TFRC: variants seen among roughly 807,000 people sequenced by gnomAD.
TFRC encodes the protein transferrin receptor.
In TFRC, 35 loss-of-function variants were observed where a neutral mutation model predicts 85.8. The observed-to-expected ratio is 0.41, with a 90% CI of 0.31 to 0.54. The LOEUF (loss-of-function observed/expected upper bound fraction) is 0.54. TFRC is among the 20% of genes least tolerant of loss of function. TFRC has a pLI of 0.31. For missense variants in TFRC, 828 were observed against 921.5 expected (o/e 0.90, Z 1.31); for synonymous variants, 362 against 328.6 (o/e 1.10, Z -1.10).
At chr3:196,059,648 A>G (rs1717106899) in intron 14 of TFRC, among the ~76,000 whole-genome samples, 1 of 151,872 alleles carries the variant, frequency 6.6e-6, no homozygotes, top group African/African-American at 2.4e-5. Context: ...ATTTTAGGGT[A>G]CATGTGCACA....
In TFRC at chr3:196,061,839, G is replaced by A. The variant is rs41297467; in HGVS notation, c.1468+743C>T. 1.1e-4 allele frequency among the ~76,000 whole-genome samples: 17 copies of A among 152,292 alleles called. No individual in the cohort carries two copies. The East Asian group carries it at 3.3e-3, about 29-fold the overall frequency. On this transcript the variant is annotated intron_variant, in intron 13 of 18. Transcript: ENST00000360110. ...ACTCCCATTTCTGACTCAAAGGTCTGGGGTAGACATGACAGTTTGCATTCG... is the reference window on the plus strand; with the variant it reads ...ACTCCCATTTCTGACTCAAAGGTCTAGGGTAGACATGACAGTTTGCATTCG...
In TFRC at chr3:196,071,076, G is replaced by C. The variant is rs3761717; in HGVS notation, c.687+320C>G. Among the ~76,000 whole-genome samples, 73,149 of 152,050 alleles carry C rather than the reference G, an allele frequency of 0.48. 19,390 individuals carry two copies. Among genetic ancestry groups the C allele is most frequent in the Non-Finnish European group, 0.61 (41,340 of 67,958 alleles). On this transcript the variant is annotated intron_variant, in intron 6 of 18. Coordinates refer to ENST00000360110, the MANE Select transcript of TFRC (RefSeq NM_001128148.3). The stretch of plus-strand genomic sequence containing the variant: ...TAGCAAATACTACTATGTATGTCAG[G>C]CATTCTCCAAAGCTCTGCAACATGG...
chr3:196,060,185 G>C lies in TFRC; in HGVS notation c.1531C>G (p.Gln511Glu), dbSNP rs747006728. The stretch of plus-strand genomic sequence containing the variant: ...GTAATGAGGTATATACTCACATTTT[G>C]CATTGTTTTCTCAATAAGCGTATAC... Reference protein sequence around the residue: ...LLYTLIEKTMQNVKHPVTGQF... With the variant: ...LLYTLIEKTMENVKHPVTGQF... The change falls in exon 14 of 19, where the codon CAA (glutamine) becomes GAA (glutamate). Residue 511 changes from glutamine (Q) to glutamate (E), a missense_variant. Physicochemically the swap from Gln to Glu is conservative, Grantham distance 29. Transcript: ENST00000360110. 6.2e-7 allele frequency: 1 copy of C among 1,613,156 alleles called. No individual in the cohort carries two copies. Among genetic ancestry groups the C allele is most frequent in the Admixed American group, 1.7e-5 (1 of 59,882 alleles).
At chr3:196,067,479 A>C in intron 9 of TFRC, 39 bp downstream of exon 9, 1 of 1,587,068 alleles carries the variant, frequency 6.3e-7, no homozygotes, top group Non-Finnish European at 8.6e-7. Context: ...CTAATCATAA[A>C]ACCTCACTAT....
chr3:196,058,596 C>T lies in TFRC; in HGVS notation c.1573G>A (p.Asp525Asn), dbSNP rs1175597951. Residue 525 changes from aspartate to asparagine, a missense_variant, in exon 15 of 19, where the codon GAC becomes AAC. By Grantham distance (23) the Asp-to-Asn change is conservative. Coordinates refer to ENST00000360110, the MANE Select transcript of TFRC (RefSeq NM_001128148.3). ...TACACTTTGCTGGCCCAGTTGCTGTCCTGATATAGAAATTGCCCAGTAACC... is the reference window on the plus strand; with the variant it reads ...TACACTTTGCTGGCCCAGTTGCTGTTCTGATATAGAAATTGCCCAGTAACC... ...HPVTGQFLYQ[D>N]SNWASKVEKL... 1.2e-6 allele frequency: 2 copies of T among 1,611,352 alleles called. No individual in the cohort carries two copies. The highest frequency in any genetic ancestry group is 4.5e-5 in the East Asian group (2 of 44,844).
chr3:196,066,640 C>G (rs546568859), intron 9 of TFRC, among the ~76,000 whole-genome samples: 1 of 152,128 alleles, frequency 6.6e-6, no homozygotes, highest in Admixed American at 6.6e-5. Context: ...TAGAATGAGT[C>G]AAAAAAATCA....
chr3:196,059,950 C>T (rs954044011), intron 14 of TFRC, among the ~76,000 whole-genome samples: 1 of 152,136 alleles, frequency 6.6e-6, no homozygotes, highest in African/African-American at 2.4e-5. Context: ...ACAGCTTAGG[C>T]CTCATGGCAT....
intron 13 of TFRC, 124 bp downstream of exon 13, chr3:196,062,458 G>A: frequency 1.2e-6 from 1 of 823,838 alleles, no homozygotes; most frequent in Non-Finnish European, 2.0e-6. Context: ...GCTTGAATCT[G>A]GGAGACAGAG....
intron 10 of TFRC, 123 bp from the exon 11 acceptor site, chr3:196,064,551 T>C (rs1213863212): frequency 2.4e-6 from 2 of 843,914 alleles, no homozygotes; most frequent in Non-Finnish European, 3.2e-6. Context: ...AGAGCCTTAC[T>C]TCAAATCTGA....
chr3:196,069,661 C>G, intron 6 of TFRC, 93 bp from the exon 7 acceptor site: 1 of 713,008 alleles, frequency 1.4e-6, no homozygotes, highest in Non-Finnish European at 2.3e-6. Context: ...AAACCTAAGA[C>G]AGGCAACCCA....
At chr3:196,064,261 C>G in intron 11 of TFRC, 48 bp downstream of exon 11, 1 of 1,577,586 alleles carries the variant, frequency 6.3e-7, no homozygotes, top group Non-Finnish European at 8.6e-7. Flanking sequence ...ACATCTAGAA[C>G]TGTATGCAGT....
chr3:196,057,906 G>A (rs1054012756), intron 16 of TFRC: 1 of 156,690 alleles, frequency 6.4e-6, no homozygotes, highest in African/African-American at 2.4e-5. Context: ...GAAGAGAAGG[G>A]TCTCACCCTT....
At chr3:196,056,004 C>T (rs1473190580) in intron 16 of TFRC, among the ~76,000 whole-genome samples, 8 of 151,820 alleles carry the variant, frequency 5.3e-5, no homozygotes, top group Admixed American at 4.6e-4. Context: ...AGGCCTCTCT[C>T]TGTCACCCAG....
intron 9 of TFRC, among the ~76,000 whole-genome samples, chr3:196,066,533 T>C (rs1260458656): frequency 1.3e-5 from 2 of 152,310 alleles, no homozygotes; most frequent in East Asian, 3.9e-4. Flanking sequence ...GGGGCTTACT[T>C]ACATAAATAT....
In TFRC at chr3:196,058,279, C is replaced by G. The variant is rs1430706892; in HGVS notation, c.1677+5G>C. 6.2e-7 allele frequency: 1 copy of G among 1,612,988 alleles called. No individual in the cohort carries two copies. On this transcript the variant is annotated splice_donor_5th_base_variant and intron_variant, in intron 16 of 18. Transcript: ENST00000360110. ...TCCATTTGTCATTTAAATGAACAGA[C>G]TTACCTCGCAAAAACAGAAAGAAAC...
chr3:196,066,511 G>T (rs1717755696), intron 9 of TFRC, among the ~76,000 whole-genome samples: 1 of 152,150 alleles, frequency 6.6e-6, no homozygotes, highest in African/African-American at 2.4e-5. Context: ...CCAAATAATA[G>T]CTGCTCCTAA....
At chr3:196,057,797 A>C (rs1716934830) in intron 16 of TFRC, among the ~76,000 whole-genome samples, 2 of 147,104 alleles carry the variant, frequency 1.4e-5, no homozygotes, top group African/African-American at 2.6e-5. Context: ...AAAAAAAAAA[A>C]ACAAAACAAA....
At chr3:196,053,059 A>G (rs1337112093) in intron 18 of TFRC, among the ~76,000 whole-genome samples, 1 of 152,018 alleles carries the variant, frequency 6.6e-6, no homozygotes, top group Non-Finnish European at 1.5e-5. Context: ...GGGTGCAGTG[A>G]GCCGAGACCG....
At chr3:196,080,063 A>G (rs1218069110) in intron 1 of TFRC, among the ~76,000 whole-genome samples, 2 of 152,184 alleles carry the variant, frequency 1.3e-5, no homozygotes, top group East Asian at 3.9e-4. Flanking sequence ...TTGGACCAGG[A>G]ATCTTTTCCC....
Sources: allele counts gnomAD v4.1 joint callset (sites outside exome capture counted in the v4.1 genomes callset), GRCh38; gene constraint gnomAD v4.1.1; transcripts MANE v1.5; gene names NCBI Gene and HGNC (gene_info 2026-07-23, HGNC 2026-07-21).